AKAP19: variants seen among roughly 807,000 people sequenced by gnomAD.
AKAP19 encodes A-kinase anchoring protein 19, also known as small A-kinase anchoring protein.
At chr2:190,166,317 CTTTTTT>C in the AKAP19 span, among the ~76,000 whole-genome samples, 33 of 65,300 alleles carry the variant, frequency 5.1e-4, no homozygotes, top group African/African-American at 1.5e-3. Context: ...AAAATCCACT[CTTTTTT>C]TTTTTTTTTT....
At chr2:190,035,552 T>TG in the AKAP19 span, among the ~76,000 whole-genome samples, 42 of 152,318 alleles carry the variant, frequency 2.8e-4, no homozygotes, top group African/African-American at 9.9e-4. Flanking sequence ...ATGGGCTGTG[T>TG]GCTGAGAGTA....
chr2:189,968,440 A>G, the AKAP19 span, among the ~76,000 whole-genome samples: 1 of 152,010 alleles, frequency 6.6e-6, no homozygotes, highest in Non-Finnish European at 1.5e-5. Context: ...GCATCTCACT[A>G]TATTGCCCAG....
chr2:190,111,737 T>TG, the AKAP19 span, among the ~76,000 whole-genome samples: 14 of 151,992 alleles, frequency 9.2e-5, no homozygotes, highest in South Asian at 2.1e-4. Flanking sequence ...ATCCTGGGGT[T>TG]GGGGGGGAAA....
the AKAP19 span, among the ~76,000 whole-genome samples, chr2:189,990,946 G>A: frequency 2.6e-5 from 4 of 152,144 alleles, no homozygotes; most frequent in African/African-American, 9.6e-5. Context: ...ATTTATAAGT[G>A]AGAACATACA....
At chr2:189,973,260 A>G in the AKAP19 span, among the ~76,000 whole-genome samples, 3 of 151,896 alleles carry the variant, frequency 2.0e-5, no homozygotes, top group African/African-American at 7.3e-5. Context: ...TTTTGTCTTT[A>G]GTTCTGTTTA....
At chr2:190,107,280 G>A in the AKAP19 span, among the ~76,000 whole-genome samples, 2 of 152,122 alleles carry the variant, frequency 1.3e-5, no homozygotes, top group Non-Finnish European at 2.9e-5. Context: ...GTCTTTATCT[G>A]TAAAATGGGA....
At chr2:190,108,243 C>T in the AKAP19 span, among the ~76,000 whole-genome samples, 1 of 152,186 alleles carries the variant, frequency 6.6e-6, no homozygotes, top group South Asian at 2.1e-4. Context: ...GCAACCTCCA[C>T]CTCCCAGGTT....
chr2:190,003,591 C>T, the AKAP19 span, among the ~76,000 whole-genome samples: 8 of 152,130 alleles, frequency 5.3e-5, no homozygotes, highest in Admixed American at 3.3e-4. Context: ...AGGCCAGGCG[C>T]GGTGGCTCAC....
the AKAP19 span, among the ~76,000 whole-genome samples, chr2:190,038,355 T>C: frequency 6.6e-6 from 1 of 152,162 alleles, no homozygotes; most frequent in Non-Finnish European, 1.5e-5. Flanking sequence ...GATACTTTCT[T>C]AGAAACCATC....
At chr2:190,165,416 A>G in the AKAP19 span, among the ~76,000 whole-genome samples, 2 of 152,160 alleles carry the variant, frequency 1.3e-5, no homozygotes, top group Non-Finnish European at 2.9e-5. Flanking sequence ...CAGCTTAGAC[A>G]ACAGAACGAG....
the AKAP19 span, among the ~76,000 whole-genome samples, chr2:190,179,187 C>T: frequency 6.6e-6 from 1 of 152,136 alleles, no homozygotes; most frequent in African/African-American, 2.4e-5. The surrounding 1 kb of genome is among the most constrained non-coding windows in gnomAD (Gnocchi z 6.0). Context: ...GCGGATGGAT[C>T]ACCTGAGGTC....
At chr2:190,181,160 G>A in the AKAP19 span, 1 of 985,422 alleles carries the variant, frequency 1.0e-6, no homozygotes, top group Non-Finnish European at 1.2e-6. Context: ...GGTGTCTGTC[G>A]GTCTTTGCTT....
the AKAP19 span, among the ~76,000 whole-genome samples, chr2:189,988,477 C>A: frequency 6.6e-6 from 1 of 152,188 alleles, no homozygotes; most frequent in Non-Finnish European, 1.5e-5. Context: ...ACATTAAATT[C>A]TTTCCCAAAG....
the AKAP19 span, among the ~76,000 whole-genome samples, chr2:189,967,854 TA>T: frequency 0.046 from 6,387 of 139,386 alleles, 351 homozygotes; most frequent in African/African-American, 0.14. Flanking sequence ...AATTTGAAAT[TA>T]AAAAAAAAAA....
the AKAP19 span, among the ~76,000 whole-genome samples, chr2:190,190,509 G>A: frequency 6.6e-6 from 1 of 152,180 alleles, no homozygotes; most frequent in Non-Finnish European, 1.5e-5. Context: ...AAGAGGCTAT[G>A]GATATTGGTA....
At chr2:190,170,296 G>C in the AKAP19 span, among the ~76,000 whole-genome samples, 1 of 152,132 alleles carries the variant, frequency 6.6e-6, no homozygotes, top group African/African-American at 2.4e-5. Context: ...TTTGGGAGCA[G>C]GGGGGAACAC....
the AKAP19 span, among the ~76,000 whole-genome samples, chr2:190,149,178 G>T: frequency 6.6e-6 from 1 of 152,108 alleles, no homozygotes; most frequent in Admixed American, 6.5e-5. Flanking sequence ...GGTCAGGCTG[G>T]TCTTGAACTC....
the AKAP19 span, among the ~76,000 whole-genome samples, chr2:190,072,658 T>C: frequency 6.6e-6 from 1 of 152,182 alleles, no homozygotes; most frequent in African/African-American, 2.4e-5. Context: ...CAGACCATAT[T>C]CTCTGATCAC....
the AKAP19 span, among the ~76,000 whole-genome samples, chr2:190,179,775 G>C: frequency 8.5e-5 from 13 of 152,208 alleles, no homozygotes; most frequent in African/African-American, 2.6e-4. This position sits in a 1 kb window ranked among gnomAD's most constrained non-coding sequence, Gnocchi z 6.0. Context: ...CTGAACTCTG[G>C]GCCTCTGTGT....
Sources: allele counts gnomAD v4.1 joint callset (sites outside exome capture counted in the v4.1 genomes callset), GRCh38; gene constraint gnomAD v4.1.1; non-coding constraint Gnocchi (gnomAD v3.1); transcripts MANE v1.5; gene names NCBI Gene and HGNC (gene_info 2026-07-23, HGNC 2026-07-21).